ANKS1B: variants seen among roughly 807,000 people sequenced by gnomAD.
ANKS1B encodes ankyrin repeat and sterile alpha motif domain containing 1B.
ANKS1B carries 36 observed loss-of-function variants against 148.3 expected under a neutral mutation model. That is an observed-to-expected ratio of 0.24 (90% CI 0.19 to 0.32). The LOEUF is 0.32. Ranked by LOEUF, ANKS1B falls within the 10% of genes least tolerant of loss-of-function variation. The probability of loss-of-function intolerance (pLI) is 1.00; values close to 1 mark genes in which losing one functional copy is unlikely to be tolerated. For synonymous variants in ANKS1B, 542 were observed against 560.8 expected, an observed-to-expected ratio of 0.97 and a Z score of 0.47; for missense variants, 1,157 against 1,542.6, an observed-to-expected ratio of 0.75 and a Z score of 4.19.
intron 15 of ANKS1B, among the ~76,000 whole-genome samples, chr12:99,121,775 G>A (rs752483284): frequency 3.3e-5 from 5 of 152,196 alleles, no homozygotes; most frequent in Non-Finnish European, 5.9e-5. Context: ...TCATGGAGAT[G>A]CTGGCAAATG....
rs74465308 is a variant in ANKS1B, at chr12:99,172,690, G to A, written c.2420-18295C>T. ...CATGGCAAATGAACACTCTTTAGTT[G>A]CTAGAAGAGCAATGTTAAAATTTCA... On this transcript the variant is annotated intron_variant, in intron 14 of 26. Transcript: ENST00000683438. Among the ~76,000 whole-genome samples the A allele has an allele frequency of 3.6e-3, 542 of 152,224 alleles. 20 individuals carry two copies. The East Asian group carries it at 0.091, about 26-fold the overall frequency.
At chr12:99,611,352 A>T (rs2097900950) in intron 9 of ANKS1B, among the ~76,000 whole-genome samples, 1 of 152,138 alleles carries the variant, frequency 6.6e-6, no homozygotes, top group Admixed American at 6.6e-5. Context: ...CATGCCAGGC[A>T]TTTAACCTAA....
chr12:99,300,471 A>T (rs1046831805), intron 12 of ANKS1B, among the ~76,000 whole-genome samples: 1 of 152,014 alleles, frequency 6.6e-6, no homozygotes, highest in Non-Finnish European at 1.5e-5. Flanking sequence ...CAGATTTGTA[A>T]ATAAGAAAAA....
intron 1 of ANKS1B, among the ~76,000 whole-genome samples, chr12:99,849,897 G>A (rs1418298629): frequency 1.3e-5 from 2 of 152,026 alleles, no homozygotes; most frequent in Non-Finnish European, 2.9e-5. Context: ...TGGATACATA[G>A]ATGTAATGAC....
intron 9 of ANKS1B, among the ~76,000 whole-genome samples, chr12:99,611,497 G>C (rs1342151700): frequency 6.6e-6 from 1 of 152,072 alleles, no homozygotes; most frequent in Non-Finnish European, 1.5e-5. Context: ...CTTTCTGTAA[G>C]TGCCTCCCTG....
intron 12 of ANKS1B, among the ~76,000 whole-genome samples, chr12:99,369,791 T>TAGACGGAC (rs879173702): frequency 0.053 from 7,923 of 148,854 alleles, 242 homozygotes; most frequent in African/African-American, 0.065. Flanking sequence ...GATAGATAGA[T>TAGACGGAC]GGACGGACGG....
rs182756340 is a variant in ANKS1B, at chr12:99,090,652, C to T, written c.2527-5629G>A. Among the ~76,000 whole-genome samples the T allele has an allele frequency of 1.1e-4, 17 of 152,228 alleles. No individual in the cohort carries two copies. In the East Asian group the frequency reaches 1.5e-3, roughly 14 times the overall value. Reference sequence around the variant, plus strand: ...ATTTAGCCTTTTATAACATAAATAGCATGGTAGCATGAAACTGTACATAAT... The same window carrying T: ...ATTTAGCCTTTTATAACATAAATAGTATGGTAGCATGAAACTGTACATAAT... On this transcript the variant is annotated intron_variant, in intron 15 of 26. Coordinates refer to ENST00000683438, the MANE Select transcript of ANKS1B (RefSeq NM_001352186.2).
chr12:99,645,124 G>A (rs981594590), intron 9 of ANKS1B, among the ~76,000 whole-genome samples: 1 of 152,148 alleles, frequency 6.6e-6, no homozygotes, highest in Non-Finnish European at 1.5e-5. Flanking sequence ...GAATTATTCT[G>A]TAAACCACAG....
At chr12:99,521,424 T>C (rs1242439269) in intron 9 of ANKS1B, among the ~76,000 whole-genome samples, 3 of 152,160 alleles carry the variant, frequency 2.0e-5, no homozygotes, top group African/African-American at 7.2e-5. Flanking sequence ...AGGTCATATT[T>C]TCCAGGATGG....
At chr12:98,977,630 T>A (rs1241618039) in intron 17 of ANKS1B, among the ~76,000 whole-genome samples, 2 of 152,226 alleles carry the variant, frequency 1.3e-5, no homozygotes, top group Non-Finnish European at 2.9e-5. Flanking sequence ...AAGTCAGATC[T>A]AATATCAACA....
chr12:99,481,846 C>A (rs541579118), intron 10 of ANKS1B, among the ~76,000 whole-genome samples: 1 of 151,724 alleles, frequency 6.6e-6, no homozygotes, highest in African/African-American at 2.4e-5. Context: ...TATTCATATT[C>A]CTTGTCAAGT....
chr12:98,945,520 A>C lies in ANKS1B; in HGVS notation c.2778+107637T>G, dbSNP rs1423793535. Among the ~76,000 whole-genome samples the C allele has an allele frequency of 3.5e-4, 53 of 151,024 alleles. No individual in the cohort carries two copies. In the South Asian group the frequency reaches 5.7e-3, roughly 16 times the overall value. On this transcript the variant is annotated intron_variant, in intron 17 of 26. Coordinates refer to ENST00000683438, the MANE Select transcript of ANKS1B (RefSeq NM_001352186.2). The stretch of plus-strand genomic sequence containing the variant: ...AACAAACAAACAAAAAAAAAAAAAA[A>C]AAAAAAAAAAAAAAGGGAGAGAGAG...
At chr12:99,440,889 A>G (rs1158908305) in intron 11 of ANKS1B, among the ~76,000 whole-genome samples, 3 of 151,912 alleles carry the variant, frequency 2.0e-5, no homozygotes, top group African/African-American at 2.4e-5. Flanking sequence ...ATCTATTTTC[A>G]GTGAATGAGA....
intron 8 of ANKS1B, among the ~76,000 whole-genome samples, chr12:99,679,959 T>G (rs890649972): frequency 6.6e-6 from 1 of 152,148 alleles, no homozygotes; most frequent in African/African-American, 2.4e-5. Flanking sequence ...ACAGATCCTT[T>G]GAAAGAAGCA....
At chr12:98,891,566 G>C (rs1055574782) in intron 17 of ANKS1B, among the ~76,000 whole-genome samples, 2 of 152,152 alleles carry the variant, frequency 1.3e-5, no homozygotes, top group African/African-American at 4.8e-5. Flanking sequence ...ATTATTGACA[G>C]TTATGTGGGA....
intron 9 of ANKS1B, among the ~76,000 whole-genome samples, chr12:99,611,903 C>G (rs894799439): frequency 6.6e-6 from 1 of 152,038 alleles, no homozygotes; most frequent in Non-Finnish European, 1.5e-5. Context: ...TTTATAACTC[C>G]TCCATTATTC....
At chr12:99,374,934 T>A (rs2093326910) in intron 12 of ANKS1B, among the ~76,000 whole-genome samples, 1 of 152,210 alleles carries the variant, frequency 6.6e-6, no homozygotes, top group African/African-American at 2.4e-5. Context: ...GCAATTCATG[T>A]GTTTTTGAAT....
At chr12:99,082,987 A>T (rs2050342895) in intron 16 of ANKS1B, among the ~76,000 whole-genome samples, 1 of 152,150 alleles carries the variant, frequency 6.6e-6, no homozygotes, top group African/African-American at 2.4e-5. Flanking sequence ...AAGTAAACAT[A>T]CACAAGCAGA....
intron 1 of ANKS1B, among the ~76,000 whole-genome samples, chr12:99,957,352 C>T (rs755197326): frequency 6.6e-6 from 1 of 152,190 alleles, no homozygotes; most frequent in Non-Finnish European, 1.5e-5. Context: ...TCCACCTTAT[C>T]GGCAATTTAC....
Sources: gnomAD v4.1 joint callset for allele counts (sites outside exome capture counted in the v4.1 genomes callset) on GRCh38, gnomAD v4.1.1 for gene constraint, MANE v1.5 for transcripts, NCBI Gene and HGNC (gene_info 2026-07-23, HGNC 2026-07-21) for gene names.